Variants in TASOR2 observed in about 807,000 individuals in gnomAD.
TASOR2 encodes protein TASOR 2.
TASOR2 carries 84 observed loss-of-function variants against 199.5 expected under a neutral mutation model. That is an observed-to-expected ratio of 0.42 (90% CI 0.35 to 0.50). TASOR2 has a LOEUF of 0.50. TASOR2 is among the 20% of genes least tolerant of loss of function. TASOR2 has a pLI of 0.02. For synonymous variants in TASOR2, 1,103 were observed against 1,046.6 expected (o/e 1.05, Z -1.04); for missense variants, 2,796 against 2,835.9 (o/e 0.99, Z 0.32).
chr10:5,696,070 G>A (rs575169443), intron 1 of TASOR2, among the ~76,000 whole-genome samples: 2 of 152,270 alleles, frequency 1.3e-5, no homozygotes, highest in East Asian at 3.9e-4. Context: ...GGTTAAGGTG[G>A]GGGTGAAGCA....
At chr10:5,713,902 A>G in intron 2 of TASOR2, 1 of 302,640 alleles carries the variant, frequency 3.3e-6, no homozygotes, top group Non-Finnish European at 6.0e-6. Context: ...ATTTATTTTA[A>G]AGCTTATGGA....
chr10:5,713,181 A>G (rs1409905047), intron 2 of TASOR2, among the ~76,000 whole-genome samples: 3 of 152,172 alleles, frequency 2.0e-5, no homozygotes, highest in African/African-American at 7.2e-5. Flanking sequence ...AGTTTTCTTT[A>G]GTGTCAATAA....
At chr10:5,694,095 A>G (rs1013631163) in intron 1 of TASOR2, among the ~76,000 whole-genome samples, 1 of 151,630 alleles carries the variant, frequency 6.6e-6, no homozygotes, top group African/African-American at 2.4e-5. Flanking sequence ...AATGGGGAGA[A>G]AAAAAAAAGA....
At chr10:5,759,015 G>GT (rs1839386754) in intron 18 of TASOR2, 23 bp downstream of exon 19, 1 of 1,550,740 alleles carries the variant, frequency 6.4e-7, no homozygotes, top group African/African-American at 1.4e-5. Flanking sequence ...TGTGTGTATG[G>GT]TTCCTCCTGC....
At position 5,698,211 on chromosome 10, in the gene TASOR2, A is replaced by G. The variant is rs1170521715; in HGVS notation, c.-288+13036A>G. On this transcript the variant is annotated intron_variant, in intron 1 of 20. Transcript: ENST00000328090. This position sits in a 1 kb window ranked among gnomAD's most constrained non-coding sequence, Gnocchi z 4.4. ...GCCTTAAGAGGCCTTGGGTATTTTT[A>G]TTTGTTCTCTTTCTATCTGTGCCAT... Among the ~76,000 whole-genome samples, 1 of 152,166 alleles carries G rather than the reference A, an allele frequency of 6.6e-6. No homozygotes were observed. Among genetic ancestry groups the G allele is most frequent in the Non-Finnish European group, 1.5e-5 (1 of 68,000 alleles).
At chr10:5,700,815 T>TGTTTGCTTGCTTGC (rs1554754096) in intron 1 of TASOR2, among the ~76,000 whole-genome samples, 1 of 151,750 alleles carries the variant, frequency 6.6e-6, no homozygotes, top group Non-Finnish European at 1.5e-5. Context: ...TGTGTGTGTG[T>TGTTTGCTTGCTTGC]TTGCTTGCTT....
chr10:5,750,015 T>C lies in TASOR2; in HGVS notation c.6594T>C (p.Phe2198=), dbSNP rs776449632. The C allele has an allele frequency of 5.0e-6, 8 of 1,597,520 alleles. No individual in the cohort carries two copies. In the East Asian group the frequency reaches 1.3e-4, roughly 27 times the overall value. Residue 2198 remains phenylalanine (F), a synonymous_variant, in exon 15 of 21, where the codon TTT becomes TTC. Transcript: ENST00000328090. This position sits in a 1 kb window ranked among gnomAD's most constrained non-coding sequence, Gnocchi z 5.4. ...TCGAAACAGAAGACAAATCATTCTT[T>C]GTAAGAACAAAGGTAAAGTGCCAGC...
At chr10:5,709,794 A>AT in intron 1 of TASOR2, 4 of 788,976 alleles carry the variant, frequency 5.1e-6, no homozygotes, top group Non-Finnish European at 6.8e-6. Context: ...CAGTACCTAT[A>AT]TTTTTTAAAA....
Position 5,748,282 on chromosome 10 carries a change from G to A in TASOR2, c.4861G>A (p.Gly1621Ser), listed in dbSNP as rs778354641. Reference sequence around the variant, plus strand: ...AAGCAGTCAGAACCATCTCTTTCCCGGTGATTTGAAAACAGATGAAGGCAT... The same window carrying A: ...AAGCAGTCAGAACCATCTCTTTCCCAGTGATTTGAAAACAGATGAAGGCAT... The change falls in exon 15 of 21, where the codon GGT (glycine) becomes AGT (serine). Residue 1621 changes from glycine to serine, a missense_variant. Around this residue, in one of 3 missense-constraint regions of TASOR2, gnomAD observed 1,941 missense variants for 1,924.9 expected, o/e 1.01. Coordinates refer to ENST00000328090, the Ensembl canonical transcript of TASOR2. The surrounding 1 kb of genome is among the most constrained non-coding windows in gnomAD (Gnocchi z 5.1). The A allele has an allele frequency of 9.9e-6, 16 of 1,614,162 alleles. No individual in the cohort carries two copies. Among genetic ancestry groups the A allele is most frequent in the South Asian group, 7.7e-5 (7 of 91,088 alleles).
chr10:5,720,616 GC>G lies in TASOR2; in HGVS notation c.-26del. 1.2e-6 allele frequency: 2 copies of G among 1,613,722 alleles called. No individual in the cohort carries two copies. Among genetic ancestry groups the G allele is most frequent in the Non-Finnish European group, 1.7e-6 (2 of 1,179,958 alleles). On this transcript the variant is annotated 5_prime_UTR_variant, in exon 4 of 21. Transcript: ENST00000328090. The surrounding 1 kb of genome is among the most constrained non-coding windows in gnomAD (Gnocchi z 5.3). ...ACAGATCTGTCCTTATGTAATTGTA[GC>G]TTTTCGATACAGGGAATCTAAAACT... is the stretch of plus-strand genomic sequence containing the variant.
chr10:5,735,359 C>T (rs996743058), exon 12 of TASOR2: 2 of 1,613,960 alleles, frequency 1.2e-6, no homozygotes, highest in African/African-American at 2.7e-5. Flanking sequence ...ATAGGAAAAA[C>T]CAAGAAGCTC....
intron 18 of TASOR2, 52 bp from the exon 20 acceptor site, chr10:5,761,238 T>C: frequency 6.7e-7 from 1 of 1,495,768 alleles, no homozygotes; most frequent in Non-Finnish European, 9.1e-7. Flanking sequence ...CAAGAAAAAG[T>C]CCTAAGAATA....
chr10:5,712,597 C>A (rs1379222931), intron 1 of TASOR2: 2 of 1,220,332 alleles, frequency 1.6e-6, no homozygotes, highest in Admixed American at 8.5e-5. Flanking sequence ...GAGGTAAACC[C>A]ATCATTTTTG....
intron 18 of TASOR2, 84 bp from the exon 20 acceptor site, chr10:5,761,206 G>A: frequency 8.2e-7 from 1 of 1,216,602 alleles, no homozygotes; most frequent in Non-Finnish European, 1.2e-6. Context: ...GAACTCATGA[G>A]TTTGAATGGT....
At chr10:5,709,768 A>T (rs1272127013) in intron 1 of TASOR2, 3 of 1,021,872 alleles carry the variant, frequency 2.9e-6, no homozygotes, top group South Asian at 1.0e-4. Flanking sequence ...AAAAGACTTT[A>T]AAAAATTATG....
At chr10:5,747,417 A>G in exon 15 of TASOR2, 2 of 1,614,212 alleles carry the variant, frequency 1.2e-6, no homozygotes, top group Non-Finnish European at 1.7e-6. Context: ...TGGCTCTCAC[A>G]GAAAGCAGAG....
In TASOR2 at chr10:5,685,997, C is replaced by T. The variant is rs959960892; in HGVS notation, c.-288+822C>T. ...AGTCTACAGTGTTCCCTGAATAAAA[C>T]TAGGGGTGAGCCTGGCGGTAATCCT... is the stretch of plus-strand genomic sequence containing the variant. On this transcript the variant is annotated intron_variant, in intron 1 of 20. Coordinates refer to ENST00000328090, the Ensembl canonical transcript of TASOR2. The surrounding 1 kb of genome is among the most constrained non-coding windows in gnomAD (Gnocchi z 5.4). Among the ~76,000 whole-genome samples, 2 of 152,188 alleles carry T rather than the reference C, an allele frequency of 1.3e-5. No individual in the cohort carries two copies. Among genetic ancestry groups the T allele is most frequent in the African/African-American group, 4.8e-5 (2 of 41,444 alleles).
At chr10:5,762,337 T>G (rs1467281635) in intron 19 of TASOR2, among the ~76,000 whole-genome samples, 195 bp from the exon 21 acceptor site, 2 of 151,794 alleles carry the variant, frequency 1.3e-5, no homozygotes, top group East Asian at 1.9e-4. Flanking sequence ...TTCAGTACTT[T>G]AACCACCACC....
In TASOR2 at chr10:5,706,062, G is replaced by A. The variant is rs1437597645; in HGVS notation, c.-287-6761G>A. Among the ~76,000 whole-genome samples, 1 of 152,070 alleles carries A rather than the reference G, an allele frequency of 6.6e-6. No individual in the cohort carries two copies. Among genetic ancestry groups the A allele is most frequent in the Non-Finnish European group, 1.5e-5 (1 of 68,002 alleles). On this transcript the variant is annotated intron_variant, in intron 1 of 20. Coordinates refer to ENST00000328090, the Ensembl canonical transcript of TASOR2. This position sits in a 1 kb window ranked among gnomAD's most constrained non-coding sequence, Gnocchi z 4.8. Reference sequence around the variant, plus strand: ...GTTAAATTTTATGGTTTAAGGTAGAGGTTTGAGGTTCATGTTTTTTTCCTC... The same window carrying A: ...GTTAAATTTTATGGTTTAAGGTAGAAGTTTGAGGTTCATGTTTTTTTCCTC...
Sources: allele counts gnomAD v4.1 joint callset (sites outside exome capture counted in the v4.1 genomes callset), GRCh38; gene constraint gnomAD v4.1.1; regional missense constraint gnomAD v4.1.1; non-coding constraint Gnocchi (gnomAD v3.1); transcripts MANE v1.5; gene names NCBI Gene and HGNC (gene_info 2026-07-23, HGNC 2026-07-21).